The following WNT10A variants were observed in gnomAD, a reference collection of about 807,000 sequenced individuals.
WNT10A encodes the protein protein Wnt-10a.
WNT10A carries 37 observed loss-of-function variants against 36.1 expected under a neutral mutation model. The observed-to-expected ratio is 1.02, with a 90% CI of 0.79 to 1.35. The LOEUF (loss-of-function observed/expected upper bound fraction) is 1.35. Ranked by LOEUF, WNT10A falls within the 40% of genes most tolerant of loss-of-function variation. WNT10A has a pLI of 0.00. For missense variants in WNT10A, 613 were observed against 601.4 expected (o/e 1.02, Z -0.20); for synonymous variants, 255 against 254.1 (o/e 1.00, Z -0.03).
At chr2:218,885,934 G>A (rs1944572499) in intron 2 of WNT10A, among the ~76,000 whole-genome samples, 1 of 152,160 alleles carries the variant, frequency 6.6e-6, no homozygotes, top group South Asian at 2.1e-4. Context: ...CCATGCTTTA[G>A]GACCCTCAAA....
Position 218,892,822 on chromosome 2 carries a change from G to T in WNT10A, c.805G>T (p.Gly269Cys). The change falls in exon 4 of 4, where the codon GGC becomes TGC. Residue 269 changes from glycine (G) to cysteine (C), a missense_variant. Transcript: ENST00000258411. ...RRKCKCHGTS[G>C]SCQLKTCWQV... Reference sequence around the variant, plus strand: ...GAAGTGCAAGTGCCACGGCACGTCAGGCAGCTGCCAGCTCAAGACGTGCTG... The same window carrying T: ...GAAGTGCAAGTGCCACGGCACGTCATGCAGCTGCCAGCTCAAGACGTGCTG... The T allele has an allele frequency of 6.3e-7, 1 of 1,597,160 alleles. No homozygotes were observed. Among genetic ancestry groups the T allele is most frequent in the East Asian group, 2.3e-5 (1 of 44,092 alleles).
Position 218,890,098 on chromosome 2 carries a change from G to A in WNT10A, c.491G>A (p.Arg164Gln), listed in dbSNP as rs150744644. Residue 164 changes from arginine (R) to glutamine (Q), a missense_variant, in exon 3 of 4, where the codon CGA (arginine) becomes CAA (glutamine). By Grantham distance (43) the Arg-to-Gln change is conservative. Transcript: ENST00000258411. ...LKACGCDASR[R>Q]GDEEAFRRKL... Reference sequence around the variant, plus strand: ...GCCTGTGGCTGTGATGCGTCCCGGCGAGGGGACGAGGAGGCCTTCCGTAGG... The same window carrying A: ...GCCTGTGGCTGTGATGCGTCCCGGCAAGGGGACGAGGAGGCCTTCCGTAGG... 1.8e-5 allele frequency: 29 copies of A among 1,614,056 alleles called. No homozygotes were observed. The highest frequency in any genetic ancestry group is 5.0e-5 in the Admixed American group (3 of 60,012).
At chr2:218,875,532 A>G in the WNT10A span, among the ~76,000 whole-genome samples, 1 of 152,212 alleles carries the variant, frequency 6.6e-6, no homozygotes, top group African/African-American at 2.4e-5. Flanking sequence ...TTGAAGGCAG[A>G]AGCTGTAAGT....
At position 218,892,803 on chromosome 2, in the gene WNT10A, C is replaced by T; in HGVS notation, c.786C>T (p.Cys262=). The change falls in exon 4 of 4, where the codon TGC becomes TGT. Residue 262 remains cysteine (C), a synonymous_variant. Transcript: ENST00000258411. The stretch of plus-strand genomic sequence containing the variant: ...TGATGGAGAACATGCGGCGGAAGTG[C>T]AAGTGCCACGGCACGTCAGGCAGCT... ...QAVMENMRRK[C]KCHGTSGSCQ... The T allele has an allele frequency of 6.3e-7, 1 of 1,596,832 alleles. No individual in the cohort carries two copies. Among genetic ancestry groups the T allele is most frequent in the Non-Finnish European group, 8.5e-7 (1 of 1,173,108 alleles).
At chr2:218,879,368 T>C (rs1000490109), upstream of WNT10A, among the ~76,000 whole-genome samples, 6 of 152,172 alleles carry the variant, frequency 3.9e-5, no homozygotes, top group African/African-American at 1.4e-4. Flanking sequence ...CATGTTTGTG[T>C]AAAGGCTTGT....
chr2:218,882,805 A>T (rs1213268728), intron 2 of WNT10A, among the ~76,000 whole-genome samples: 2 of 152,222 alleles, frequency 1.3e-5, no homozygotes, highest in African/African-American at 4.8e-5. Flanking sequence ...GGAAGAACCC[A>T]GAATCAGCAT....
chr2:218,889,842 C>A, intron 2 of WNT10A, 142 bp from the exon 3 acceptor site: 1 of 1,386,908 alleles, frequency 7.2e-7, no homozygotes, highest in Non-Finnish European at 9.9e-7. Flanking sequence ...TGATTTCTGC[C>A]CTTCTTTGAC....
upstream of WNT10A, among the ~76,000 whole-genome samples, chr2:218,878,670 C>T (rs922469208): frequency 6.6e-6 from 1 of 152,148 alleles, no homozygotes; most frequent in Non-Finnish European, 1.5e-5. This position sits in a 1 kb window ranked among gnomAD's most constrained non-coding sequence, Gnocchi z 4.1. Flanking sequence ...ATGGCCCACC[C>T]CAGGGGACAC....
rs1162945023 is a variant in WNT10A, at chr2:218,893,782, G to C, written c.*511G>C. On this transcript the variant is annotated 3_prime_UTR_variant, in exon 4 of 4. Transcript: ENST00000258411. The surrounding 1 kb of genome is among the most constrained non-coding windows in gnomAD (Gnocchi z 6.3). ...ATATTTATTTTGCACTCTCTTTGCGGCACTCTGGGGGCGGTGGGGTGCGTG... is the reference window on the plus strand; with the variant it reads ...ATATTTATTTTGCACTCTCTTTGCGCCACTCTGGGGGCGGTGGGGTGCGTG... 1 of 152,870 alleles carries C rather than the reference G, an allele frequency of 6.5e-6. No homozygotes were observed. The highest frequency in any genetic ancestry group is 1.5e-5 in the Non-Finnish European group (1 of 68,556). The allele number at this position is 152,870 out of a possible 1,614,324, so 9.5% of individuals were successfully genotyped here. A position where few individuals can be genotyped will look rare whatever the true frequency, so the allele number is the denominator to read the frequency against.
upstream of WNT10A, among the ~76,000 whole-genome samples, chr2:218,876,675 C>G (rs1338450682): frequency 1.3e-5 from 2 of 152,164 alleles, no homozygotes; most frequent in Non-Finnish European, 2.9e-5. Context: ...AATGAAGCTC[C>G]CTGAGGGCAA....
chr2:218,887,401 G>A (rs1008302926), intron 2 of WNT10A, among the ~76,000 whole-genome samples: 1 of 152,078 alleles, frequency 6.6e-6, no homozygotes, highest in Non-Finnish European at 1.5e-5. Flanking sequence ...ACAGATAAAA[G>A]GCAAGGGATA....
At chr2:218,880,189 G>A (rs1011893571), upstream of WNT10A, among the ~76,000 whole-genome samples, 15 of 152,132 alleles carry the variant, frequency 9.9e-5, no homozygotes, top group African/African-American at 3.4e-4. This position sits in a 1 kb window ranked among gnomAD's most constrained non-coding sequence, Gnocchi z 7.7. Flanking sequence ...CTCCCCTCCA[G>A]CCCCTGCAGG....
chr2:218,882,906 G>A (rs2106011962), intron 2 of WNT10A, among the ~76,000 whole-genome samples: 1 of 152,164 alleles, frequency 6.6e-6, no homozygotes, highest in East Asian at 1.9e-4. Flanking sequence ...TCTTCCCGGC[G>A]GGGGACACCA....
the WNT10A span, chr2:218,874,220 T>G: frequency 4.6e-6 from 1 of 218,182 alleles, no homozygotes; most frequent in African/African-American, 2.3e-5. Context: ...TCAATAAAGA[T>G]ATTTAAACCA....
rs368943130 is a variant in WNT10A at position 218,882,259 on chromosome 2, A to T, written c.212A>T (p.Gln71Leu). 1.5e-5 allele frequency: 25 copies of T among 1,614,060 alleles called. No homozygotes were observed. Among genetic ancestry groups the T allele is most frequent in the Non-Finnish European group, 2.1e-5 (25 of 1,180,030 alleles). ...ACATTGCCAGGCCTGAGCCGGCGGC[A>T]GATGGAGGTGTGTGTGCGTCACCCT... Reference protein sequence around the residue: ...CLTLPGLSRRQMEVCVRHPDV... With the variant: ...CLTLPGLSRRLMEVCVRHPDV... The change falls in exon 2 of 4, where the codon CAG (glutamine) becomes CTG (leucine). Residue 71 changes from glutamine (Q) to leucine (L), a missense_variant. Transcript: ENST00000258411.
chr2:218,878,976 A>C (rs1252257046), upstream of WNT10A, among the ~76,000 whole-genome samples: 2 of 152,054 alleles, frequency 1.3e-5, no homozygotes, highest in Non-Finnish European at 2.9e-5. This position sits in a 1 kb window ranked among gnomAD's most constrained non-coding sequence, Gnocchi z 4.1. Flanking sequence ...GAGAGTGGGG[A>C]GGGCAGGGGG....
chr2:218,893,432 C>T lies in WNT10A; in HGVS notation c.*161C>T. ...CCTCAGCTCTGAGGTCTGTGATCGC[C>T]GGACAGTCCAGGCCTGTCTGAACCC... On this transcript the variant is annotated 3_prime_UTR_variant, in exon 4 of 4. Transcript: ENST00000258411. This position sits in a 1 kb window ranked among gnomAD's most constrained non-coding sequence, Gnocchi z 6.3. 1 of 1,077,312 alleles carries T rather than the reference C, an allele frequency of 9.3e-7. No individual in the cohort carries two copies. Among genetic ancestry groups the T allele is most frequent in the Non-Finnish European group, 1.3e-6 (1 of 774,576 alleles). 66.7% of individuals were successfully genotyped at this position (1,077,312 alleles called of 1,614,324 possible). A position where few individuals can be genotyped will look rare whatever the true frequency, so the allele number is the denominator to read the frequency against.
Position 218,882,294 on chromosome 2 carries a change from G to A in WNT10A, c.247G>A (p.Ala83Thr), listed in dbSNP as rs760336599. ...EVCVRHPDVA[A>T]SAIQGIQIAI... Reference sequence around the variant, plus strand: ...GTGTGTGCGTCACCCTGATGTGGCTGCCTCAGCCATACAGGGCATCCAGAT... The same window carrying A: ...GTGTGTGCGTCACCCTGATGTGGCTACCTCAGCCATACAGGGCATCCAGAT... The change falls in exon 2 of 4, where the codon GCC becomes ACC. Residue 83 changes from alanine to threonine, a missense_variant. Coordinates refer to ENST00000258411, the MANE Select transcript of WNT10A (RefSeq NM_025216.3). 1 of 1,614,056 alleles carries A rather than the reference G, an allele frequency of 6.2e-7. No individual in the cohort carries two copies. The highest frequency in any genetic ancestry group is 1.3e-5 in the African/African-American group (1 of 74,898).
rs753324320 is a variant in WNT10A, at chr2:218,882,246, C to T, written c.199C>T (p.Leu67=). ...ANTVCLTLPG[L]SRRQMEVCVR... is the part of the protein sequence containing the mutation. ...CACAGTGTGCCTAACATTGCCAGGCCTGAGCCGGCGGCAGATGGAGGTGTG... is the reference window on the plus strand; with the variant it reads ...CACAGTGTGCCTAACATTGCCAGGCTTGAGCCGGCGGCAGATGGAGGTGTG... Residue 67 remains leucine (L), a synonymous_variant, in exon 2 of 4, where the codon CTG becomes TTG. Coordinates refer to ENST00000258411, the MANE Select transcript of WNT10A (RefSeq NM_025216.3). 2.5e-6 allele frequency: 4 copies of T among 1,614,202 alleles called. No individual in the cohort carries two copies. The Admixed American group carries it at 6.7e-5, about 27-fold the overall frequency.
Sources: gnomAD v4.1 joint callset for allele counts (sites outside exome capture counted in the v4.1 genomes callset) on GRCh38, gnomAD v4.1.1 for gene constraint, Gnocchi (gnomAD v3.1) non-coding constraint, MANE v1.5 for transcripts, NCBI Gene and HGNC (gene_info 2026-07-23, HGNC 2026-07-21) for gene names.